DOCK3: variants seen among roughly 807,000 people sequenced by gnomAD.
DOCK3 encodes the protein dedicator of cytokinesis 3.
Under a neutral mutation model 265.6 loss-of-function variants are expected in DOCK3, and 60 were observed. That is an observed-to-expected ratio of 0.23 (90% CI 0.18 to 0.28). The LOEUF (loss-of-function observed/expected upper bound fraction) is 0.28. Ranked by LOEUF, DOCK3 falls within the 10% of genes least tolerant of loss-of-function variation. The pLI, the probability that DOCK3 is intolerant of heterozygous loss-of-function variation, is 1.00. For missense variants in DOCK3, 1,981 were observed against 2,594.3 expected, an observed-to-expected ratio of 0.76 and a Z score of 5.14; for synonymous variants, 881 against 938.0, an observed-to-expected ratio of 0.94 and a Z score of 1.11.
At chr3:50,964,295 A>G (rs542731617) in intron 5 of DOCK3, among the ~76,000 whole-genome samples, 10 of 152,354 alleles carry the variant, frequency 6.6e-5, no homozygotes, top group African/African-American at 1.9e-4. Context: ...AATATGATTA[A>G]AAAGAATAAT....
chr3:51,327,529 A>C (rs2084213490), intron 32 of DOCK3, among the ~76,000 whole-genome samples: 2 of 152,126 alleles, frequency 1.3e-5, no homozygotes, highest in Admixed American at 1.3e-4. Context: ...AGAACTTATT[A>C]TTTTGTTTGA....
intron 32 of DOCK3, among the ~76,000 whole-genome samples, chr3:51,318,016 T>G (rs1054117916): frequency 6.6e-6 from 1 of 152,182 alleles, no homozygotes; most frequent in African/African-American, 2.4e-5. Flanking sequence ...TTTAAATAAA[T>G]TTAGAATCAG....
intron 2 of DOCK3, among the ~76,000 whole-genome samples, chr3:50,825,817 C>A (rs1285259923): frequency 6.6e-6 from 1 of 152,132 alleles, no homozygotes; most frequent in Non-Finnish European, 1.5e-5. Context: ...CCAGACCCAC[C>A]CTTACAACCC....
intron 21 of DOCK3, among the ~76,000 whole-genome samples, chr3:51,244,438 T>C (rs1454858985): frequency 2.0e-5 from 3 of 152,210 alleles, no homozygotes; most frequent in Non-Finnish European, 2.9e-5. Flanking sequence ...TTTATTCTTT[T>C]TGATGCTATT....
At chr3:50,899,321 T>G (rs2107798174) in intron 4 of DOCK3, among the ~76,000 whole-genome samples, 2 of 152,298 alleles carry the variant, frequency 1.3e-5, no homozygotes, top group South Asian at 4.2e-4. Context: ...TCACTTTCCA[T>G]TTGCTTGGTA....
At chr3:51,152,694 T>C (rs1351255487) in intron 10 of DOCK3, among the ~76,000 whole-genome samples, 1 of 152,198 alleles carries the variant, frequency 6.6e-6, no homozygotes, top group African/African-American at 2.4e-5. Context: ...TGATGTCCTT[T>C]TTGTTGATGT....
intron 2 of DOCK3, chr3:50,787,199 A>G (rs1161533684): frequency 6.5e-6 from 4 of 617,816 alleles, no homozygotes; most frequent in Non-Finnish European, 8.9e-6. Flanking sequence ...ATTTATCACA[A>G]ATCTGCATGT....
intron 9 of DOCK3, among the ~76,000 whole-genome samples, chr3:51,094,292 C>G (rs773634521): frequency 6.6e-6 from 1 of 152,180 alleles, no homozygotes; most frequent in Non-Finnish European, 1.5e-5. Context: ...GTGAATCTCT[C>G]TGGTCCTGGG....
intron 7 of DOCK3, among the ~76,000 whole-genome samples, chr3:51,081,813 G>A (rs1304072278): frequency 3.3e-5 from 5 of 150,874 alleles, no homozygotes; most frequent in South Asian, 2.1e-4. Flanking sequence ...GGAGAATGGC[G>A]TGAACCTGGG....
At chr3:50,708,493 A>G (rs529406042) in intron 1 of DOCK3, among the ~76,000 whole-genome samples, 1 of 152,256 alleles carries the variant, frequency 6.6e-6, no homozygotes, top group Admixed American at 6.5e-5. Flanking sequence ...ATGTGGTTGT[A>G]GGGCCCTAGT....
At chr3:51,013,288 A>G (rs1575757616) in intron 5 of DOCK3, among the ~76,000 whole-genome samples, 1 of 152,102 alleles carries the variant, frequency 6.6e-6, no homozygotes, top group Non-Finnish European at 1.5e-5. Context: ...TTGTGGTTTT[A>G]TCTACCTTTG....
intron 4 of DOCK3, among the ~76,000 whole-genome samples, chr3:50,902,147 CTGA>C (rs2049235939): frequency 6.6e-6 from 1 of 152,106 alleles, no homozygotes; most frequent in South Asian, 2.1e-4. Flanking sequence ...TCTGTTCACT[CTGA>C]TGATGTTTCT....
intron 51 of DOCK3, among the ~76,000 whole-genome samples, chr3:51,378,825 C>T (rs2088352671): frequency 6.6e-6 from 1 of 152,194 alleles, no homozygotes; most frequent in African/African-American, 2.4e-5. Flanking sequence ...CACAGAAGGG[C>T]ACTCTGTGCT....
chr3:50,761,661 G>GATAATTTT (rs2040537547), intron 1 of DOCK3, among the ~76,000 whole-genome samples: 1 of 152,074 alleles, frequency 6.6e-6, no homozygotes, highest in South Asian at 2.1e-4. Context: ...ATCTTCTTTT[G>GATAATTTT]GATCTTCACC....
intron 2 of DOCK3, chr3:50,787,145 C>T: frequency 1.5e-6 from 1 of 681,614 alleles, no homozygotes; most frequent in Non-Finnish European, 2.7e-6. Context: ...AGTCTGTTTG[C>T]CGGTGAAGAT....
At chr3:51,315,611 C>G (rs2083320594) in intron 32 of DOCK3, among the ~76,000 whole-genome samples, 1 of 152,142 alleles carries the variant, frequency 6.6e-6, no homozygotes, top group Non-Finnish European at 1.5e-5. Context: ...GGCTGTCCTC[C>G]TGTGTAGTTC....
intron 3 of DOCK3, among the ~76,000 whole-genome samples, chr3:50,872,075 C>T (rs1376872739): frequency 6.6e-6 from 1 of 152,058 alleles, no homozygotes; most frequent in Admixed American, 6.5e-5. Flanking sequence ...CCATATTTTC[C>T]TGGATATGGT....
chr3:51,224,666 A>G (rs1475781797), intron 14 of DOCK3, among the ~76,000 whole-genome samples: 1 of 151,220 alleles, frequency 6.6e-6, no homozygotes, highest in African/African-American at 2.4e-5. Flanking sequence ...ACACATCTTC[A>G]CTTTGGTCTT....
intron 7 of DOCK3, among the ~76,000 whole-genome samples, chr3:51,078,610 A>G (rs115414610): frequency 6.6e-6 from 1 of 152,340 alleles, no homozygotes; most frequent in Non-Finnish European, 1.5e-5. Flanking sequence ...CAGCATTAAA[A>G]ATTAGAAATA....
Sources: allele counts gnomAD v4.1 joint callset (sites outside exome capture counted in the v4.1 genomes callset), GRCh38; gene constraint gnomAD v4.1.1; transcripts MANE v1.5; gene names NCBI Gene and HGNC (gene_info 2026-07-23, HGNC 2026-07-21).